Variants in EXOC4 observed in about 807,000 individuals in gnomAD.
EXOC4 encodes the protein exocyst complex component 4, also known as SEC8-like 1.
EXOC4 carries 71 observed loss-of-function variants against 107.2 expected under a neutral mutation model. The observed-to-expected ratio is 0.66, with a 90% CI of 0.55 to 0.81. EXOC4 has a LOEUF of 0.81. Ranked by LOEUF, EXOC4 falls within the 30% of genes least tolerant of loss-of-function variation. EXOC4 has a pLI of 0.00. For missense variants in EXOC4, 1,108 were observed against 1,189.6 expected (o/e 0.93, Z 1.01); for synonymous variants, 456 against 441.2 (o/e 1.03, Z -0.42).
intron 10 of EXOC4, among the ~76,000 whole-genome samples, chr7:133,677,160 C>T (rs1406603465): frequency 6.6e-6 from 1 of 151,868 alleles, no homozygotes; most frequent in African/African-American, 2.4e-5. Flanking sequence ...TTAGTGTCTC[C>T]CTTGTCTCTA....
intron 7 of EXOC4, among the ~76,000 whole-genome samples, chr7:133,418,629 A>T (rs1432908811): frequency 6.6e-6 from 1 of 152,116 alleles, no homozygotes. Flanking sequence ...GTTTCTAAAT[A>T]TACACGACCC....
At chr7:134,043,194 G>T (rs535562622) in intron 17 of EXOC4, among the ~76,000 whole-genome samples, 2 of 152,014 alleles carry the variant, frequency 1.3e-5, no homozygotes, top group African/African-American at 4.8e-5. Flanking sequence ...TGGCATGATC[G>T]TAATCACTAG....
chr7:133,388,662 A>G (rs1796783654), intron 7 of EXOC4, among the ~76,000 whole-genome samples: 1 of 152,142 alleles, frequency 6.6e-6, no homozygotes, highest in African/African-American at 2.4e-5. Context: ...AAATAAAATA[A>G]TACCTAAAAA....
intron 9 of EXOC4, among the ~76,000 whole-genome samples, chr7:133,513,407 A>C (rs940788603): frequency 2.0e-5 from 3 of 152,162 alleles, no homozygotes; most frequent in African/African-American, 4.8e-5. Context: ...CCTGTTTTCT[A>C]GGAAAAGCAT....
intron 10 of EXOC4, among the ~76,000 whole-genome samples, chr7:133,642,793 C>G (rs964065510): frequency 6.6e-6 from 1 of 152,042 alleles, no homozygotes; most frequent in Non-Finnish European, 1.5e-5. Context: ...GATCTCAGGC[C>G]CCCTTGTACA....
At chr7:133,797,695 G>C (rs1435877584) in intron 10 of EXOC4, among the ~76,000 whole-genome samples, 1 of 152,188 alleles carries the variant, frequency 6.6e-6, no homozygotes, top group African/African-American at 2.4e-5. Flanking sequence ...GATTCAGTGA[G>C]AGTCACAGCC....
At chr7:133,552,927 A>G (rs1800619697) in intron 9 of EXOC4, among the ~76,000 whole-genome samples, 1 of 152,136 alleles carries the variant, frequency 6.6e-6, no homozygotes, top group Non-Finnish European at 1.5e-5. Context: ...AGTTTGGTGC[A>G]TTAATAAAGG....
intron 14 of EXOC4, among the ~76,000 whole-genome samples, chr7:133,955,877 A>T (rs1488732461): frequency 1.3e-5 from 2 of 152,254 alleles, no homozygotes; most frequent in Non-Finnish European, 2.9e-5. Flanking sequence ...CTCTGAGATC[A>T]GAGTGGGCAC....
At chr7:133,802,771 C>T (rs894109408) in intron 10 of EXOC4, among the ~76,000 whole-genome samples, 6 of 766 alleles carry the variant, frequency 7.8e-3, no homozygotes, top group East Asian at 0.071. Flanking sequence ...TGCTTGGACC[C>T]GGGAGGCGGA....
rs567825138 is a variant in EXOC4, at chr7:133,289,334, G to T, written c.471+218G>T. ...TTATCTGTCTTTGTAACAATGGCAA[G>T]AAATATAATAGTAAGAAACCAGTAC... On this transcript the variant is annotated intron_variant, in intron 3 of 17. Coordinates refer to ENST00000253861, the MANE Select transcript of EXOC4 (RefSeq NM_021807.4). Among the ~76,000 whole-genome samples the T allele has an allele frequency of 1.5e-3, 229 of 152,324 alleles. No individual in the cohort carries two copies. In the Middle Eastern group the frequency reaches 0.027, roughly 18 times the overall value.
chr7:133,363,566 C>T (rs1381709146), intron 6 of EXOC4, among the ~76,000 whole-genome samples: 1 of 144,652 alleles, frequency 6.9e-6, no homozygotes, highest in East Asian at 2.2e-4. Flanking sequence ...AGATGTTACT[C>T]AATATTACAT....
chr7:133,516,469 G>T (rs1475145945), intron 9 of EXOC4, among the ~76,000 whole-genome samples: 1 of 152,034 alleles, frequency 6.6e-6, no homozygotes, highest in Non-Finnish European at 1.5e-5. Flanking sequence ...TTCGTGACTG[G>T]CTTTTTTCAC....
At chr7:134,025,170 A>G (rs916161270) in intron 17 of EXOC4, among the ~76,000 whole-genome samples, 1 of 152,086 alleles carries the variant, frequency 6.6e-6, no homozygotes, top group Non-Finnish European at 1.5e-5. Context: ...ATCTAGTAAT[A>G]ATTGTTAATC....
intron 7 of EXOC4, among the ~76,000 whole-genome samples, chr7:133,393,509 C>T (rs1204199198): frequency 6.6e-6 from 1 of 152,162 alleles, no homozygotes; most frequent in Non-Finnish European, 1.5e-5. Context: ...TTATGTCCCC[C>T]CTACCCCATA....
At chr7:134,048,688 T>C (rs1458736396) in intron 17 of EXOC4, among the ~76,000 whole-genome samples, 4 of 152,190 alleles carry the variant, frequency 2.6e-5, no homozygotes, top group Non-Finnish European at 4.4e-5. Context: ...GTTGTGTGTA[T>C]TTTAATGGCC....
At chr7:133,764,269 C>T (rs1386470026) in intron 10 of EXOC4, among the ~76,000 whole-genome samples, 2 of 152,046 alleles carry the variant, frequency 1.3e-5, no homozygotes, top group Admixed American at 6.6e-5. Context: ...CAAACTTTTT[C>T]AAGAAGTGCT....
At chr7:133,809,067 A>G (rs1315541502) in intron 10 of EXOC4, among the ~76,000 whole-genome samples, 2 of 152,024 alleles carry the variant, frequency 1.3e-5, no homozygotes, top group Non-Finnish European at 2.9e-5. Context: ...TTTAGGGGGA[A>G]TGTGCATTTT....
intron 6 of EXOC4, among the ~76,000 whole-genome samples, chr7:133,361,699 G>A (rs558486129): frequency 6.6e-6 from 1 of 152,252 alleles, no homozygotes; most frequent in East Asian, 1.9e-4. Flanking sequence ...GTAAAAAATG[G>A]TATTTTTGGA....
chr7:134,096,014 A>G, the EXOC4 span, among the ~76,000 whole-genome samples: 2 of 152,260 alleles, frequency 1.3e-5, no homozygotes, highest in Non-Finnish European at 1.5e-5. Context: ...CAACAGAGTG[A>G]ACAGACAACC....
Sources: gnomAD v4.1 joint callset for allele counts (sites outside exome capture counted in the v4.1 genomes callset) on GRCh38, gnomAD v4.1.1 for gene constraint, MANE v1.5 for transcripts, NCBI Gene and HGNC (gene_info 2026-07-23, HGNC 2026-07-21) for gene names.